Variants in WDR27 observed in about 807,000 individuals in gnomAD.
The protein encoded by WDR27 is WD repeat-containing protein 27.
Under a neutral mutation model 114.4 loss-of-function variants are expected in WDR27, and 100 were observed. The observed-to-expected ratio is 0.87, with a 90% CI of 0.74 to 1.03. WDR27 has a LOEUF of 1.03. WDR27 is among the 50% of genes least tolerant of loss of function. The pLI is 0.00. For missense variants in WDR27, 1,129 were observed against 1,092.9 expected (o/e 1.03, Z -0.47); for synonymous variants, 449 against 423.1 (o/e 1.06, Z -0.75).
chr6:169,579,081 C>T (rs563567220), intron 24 of WDR27, among the ~76,000 whole-genome samples: 1 of 152,284 alleles, frequency 6.6e-6, no homozygotes, highest in East Asian at 1.9e-4. Flanking sequence ...TCAGTGGCAC[C>T]AGACATGCTT....
intron 25 of WDR27, among the ~76,000 whole-genome samples, chr6:169,470,604 G>A (rs780677865): frequency 2.2e-4 from 33 of 152,190 alleles, no homozygotes; most frequent in Non-Finnish European, 4.4e-5. Context: ...GTGTCCTCAC[G>A]TGACATTCCA....
intron 25 of WDR27, among the ~76,000 whole-genome samples, chr6:169,458,065 G>T (rs1261783088): frequency 2.0e-5 from 3 of 152,040 alleles, no homozygotes; most frequent in Non-Finnish European, 4.4e-5. Flanking sequence ...GGCAAACTCT[G>T]ATGTACGTAC....
intron 25 of WDR27, among the ~76,000 whole-genome samples, chr6:169,471,812 T>C (rs1435026956): frequency 6.6e-6 from 1 of 152,184 alleles, no homozygotes; most frequent in African/African-American, 2.4e-5. Context: ...CAGAAATGTA[T>C]TGCTCAGCTC....
At chr6:169,539,162 G>C (rs1395234434) in intron 25 of WDR27, among the ~76,000 whole-genome samples, 1 of 152,166 alleles carries the variant, frequency 6.6e-6, no homozygotes, top group Non-Finnish European at 1.5e-5. Flanking sequence ...CTTTGGAGTT[G>C]TTTCCGTCGC....
At chr6:169,679,130 T>C (rs940639068) in intron 2 of WDR27, among the ~76,000 whole-genome samples, 1 of 152,150 alleles carries the variant, frequency 6.6e-6, no homozygotes, top group African/African-American at 2.4e-5. Context: ...CCGCTTTGAG[T>C]GGTCTCGCCT....
chr6:169,485,819 T>A lies in WDR27; in HGVS notation c.2646-28185A>T, dbSNP rs577841582. Among the ~76,000 whole-genome samples the A allele has an allele frequency of 4.6e-5, 7 of 152,248 alleles. No homozygotes were observed. The East Asian group carries it at 1.4e-3, about 29-fold the overall frequency. ...GTGGGACATATACGCCACAGAACAC[T>A]ATGCAGCCATAAAAAAGAATGAGAT... On this transcript the variant is annotated intron_variant, in intron 25 of 25. Coordinates refer to ENST00000448612, the MANE Select transcript of WDR27 (RefSeq NM_182552.5).
At chr6:169,617,452 T>C (rs753737230) in intron 21 of WDR27, among the ~76,000 whole-genome samples, 2 of 152,222 alleles carry the variant, frequency 1.3e-5, no homozygotes, top group Non-Finnish European at 2.9e-5. Context: ...CTCAGCTCAC[T>C]GCAACCTTCT....
intron 21 of WDR27, among the ~76,000 whole-genome samples, chr6:169,621,203 C>G (rs570277220): frequency 2.0e-5 from 3 of 152,178 alleles, no homozygotes; most frequent in African/African-American, 7.2e-5. Flanking sequence ...CACCCATGCA[C>G]GCTCGCATAT....
At chr6:169,540,720 G>A (rs543384327) in intron 25 of WDR27, among the ~76,000 whole-genome samples, 11 of 152,006 alleles carry the variant, frequency 7.2e-5, no homozygotes, top group South Asian at 4.2e-4. Flanking sequence ...ATGAGACACC[G>A]CGCCTGGCCT....
At chr6:169,431,917 C>T in the WDR27 span, among the ~76,000 whole-genome samples, 2 of 152,212 alleles carry the variant, frequency 1.3e-5, no homozygotes, top group Non-Finnish European at 2.9e-5. Context: ...GCTTTCAGAA[C>T]CCAAAGATTG....
chr6:169,513,047 C>G (rs1317774608), intron 25 of WDR27, among the ~76,000 whole-genome samples: 1 of 152,174 alleles, frequency 6.6e-6, no homozygotes, highest in Non-Finnish European at 1.5e-5. Context: ...CCATAAACTA[C>G]TCTCAAACTT....
At chr6:169,559,300 A>G (rs1345420785) in intron 25 of WDR27, 3 of 152,234 alleles carry the variant, frequency 2.0e-5, no homozygotes, top group Non-Finnish European at 4.4e-5. Context: ...CTTTACATTC[A>G]CGGTTTGGCT....
In WDR27 at chr6:169,672,491, GT is replaced by G. The variant is rs1385875626; in HGVS notation, c.190-96del. 48 of 1,241,856 alleles carry G rather than the reference GT, an allele frequency of 3.9e-5. No homozygotes were observed. The East Asian group carries it at 1.1e-3, about 29-fold the overall frequency. 76.9% of individuals were successfully genotyped at this position (1,241,856 alleles called of 1,614,324 possible). A position where few individuals can be genotyped will look rare whatever the true frequency, so the allele number is the denominator to read the frequency against. The stretch of plus-strand genomic sequence containing the variant: ...CAAACCTAAGAAATTAAAAGATTGA[GT>G]TTTTCAAATACATTTATCTTACATA... On this transcript the variant is annotated intron_variant, in intron 2 of 25. Coordinates refer to ENST00000448612, the MANE Select transcript of WDR27 (RefSeq NM_182552.5).
In WDR27 at chr6:169,636,358, G is replaced by C. The variant is rs748915751; in HGVS notation, c.2003+13C>G. 15 of 1,611,078 alleles carry C rather than the reference G, an allele frequency of 9.3e-6. No individual in the cohort carries two copies. The highest frequency in any genetic ancestry group is 1.6e-4 in the Middle Eastern group (1 of 6,072). On this transcript the variant is annotated intron_variant, in intron 19 of 25. Coordinates refer to ENST00000448612, the MANE Select transcript of WDR27 (RefSeq NM_182552.5). Reference sequence around the variant, plus strand: ...GTGATCTAAAAATAATGCACAGGGCGGGGGGTGCCTACCTCTTAATCTCAT... The same window carrying C: ...GTGATCTAAAAATAATGCACAGGGCCGGGGGTGCCTACCTCTTAATCTCAT...
intron 25 of WDR27, among the ~76,000 whole-genome samples, chr6:169,568,023 C>G (rs1800782042): frequency 6.6e-6 from 1 of 152,192 alleles, no homozygotes. Context: ...AACAGAGACC[C>G]AAGGGAGCTG....
chr6:169,538,187 G>A (rs143302264), intron 25 of WDR27, among the ~76,000 whole-genome samples: 77 of 152,206 alleles, frequency 5.1e-4, no homozygotes, highest in African/African-American at 1.7e-3. Context: ...CATTAAGTCT[G>A]GCAGGATCCT....
At chr6:169,623,928 A>T (rs1013481982) in intron 21 of WDR27, among the ~76,000 whole-genome samples, 2 of 152,178 alleles carry the variant, frequency 1.3e-5, no homozygotes, top group Non-Finnish European at 2.9e-5. Flanking sequence ...GAGCAAAAAG[A>T]AGGTAGACAC....
chr6:169,580,248 C>T (rs1345293195), intron 24 of WDR27, among the ~76,000 whole-genome samples: 6 of 152,232 alleles, frequency 3.9e-5, no homozygotes, highest in South Asian at 2.1e-4. Context: ...AATGGAATCA[C>T]GTATTAAATA....
rs770730775 is a variant in WDR27 at position 169,665,574 on chromosome 6, G to T, written c.713-18C>A. On this transcript the variant is annotated intron_variant, in intron 6 of 25. Coordinates refer to ENST00000448612, the MANE Select transcript of WDR27 (RefSeq NM_182552.5). ...AGGATATGCTGGTGAAAGGAACATC[G>T]GAAAATTTAGCTTTGTAAGTGCCTG... 6.2e-7 allele frequency: 1 copy of T among 1,609,152 alleles called. No individual in the cohort carries two copies. Among genetic ancestry groups the T allele is most frequent in the African/African-American group, 1.3e-5 (1 of 74,828 alleles).
Sources: gnomAD v4.1 joint callset for allele counts (sites outside exome capture counted in the v4.1 genomes callset) on GRCh38, gnomAD v4.1.1 for gene constraint, MANE v1.5 for transcripts, NCBI Gene and HGNC (gene_info 2026-07-23, HGNC 2026-07-21) for gene names.